SDK1: variants seen among roughly 807,000 people sequenced by gnomAD.
SDK1 encodes the protein protein sidekick-1.
A neutral mutation model predicts 245.5 loss-of-function variants in SDK1; 157 were observed. The observed-to-expected ratio is 0.64, with a 90% CI of 0.56 to 0.73. The LOEUF (loss-of-function observed/expected upper bound fraction) is 0.73. Among genes scored for constraint, SDK1 ranks in the 30% least tolerant of loss-of-function variants. The pLI, the probability that SDK1 is intolerant of heterozygous loss-of-function variation, is 0.00. For synonymous variants in SDK1, 1,647 were observed against 1,278.5 expected, an observed-to-expected ratio of 1.29 and a Z score of -6.15; for missense variants, 3,583 against 3,002.3, an observed-to-expected ratio of 1.19 and a Z score of -4.52.
At chr7:3,377,868 T>C (rs1178209474) in intron 1 of SDK1, among the ~76,000 whole-genome samples, 2 of 152,130 alleles carry the variant, frequency 1.3e-5, no homozygotes, top group African/African-American at 4.8e-5. Context: ...AACCTCCGCC[T>C]CCTGGGCTCA....
At chr7:3,719,381 C>A (rs960797329) in intron 4 of SDK1, among the ~76,000 whole-genome samples, 1 of 151,770 alleles carries the variant, frequency 6.6e-6, no homozygotes, top group African/African-American at 2.4e-5. Context: ...TCATTGTTTC[C>A]AGTGTTAACG....
intron 1 of SDK1, among the ~76,000 whole-genome samples, chr7:3,549,349 C>T (rs1043874980): frequency 2.0e-5 from 3 of 152,132 alleles, no homozygotes; most frequent in African/African-American, 7.2e-5. Flanking sequence ...TCCTCTGTAA[C>T]CAATATGAGA....
chr7:3,688,099 C>G (rs181061898), intron 4 of SDK1, among the ~76,000 whole-genome samples: 2 of 152,348 alleles, frequency 1.3e-5, no homozygotes, highest in East Asian at 3.9e-4. Context: ...CTGAGACAAT[C>G]AGTGCTCAGT....
At chr7:4,080,471 CT>C in intron 22 of SDK1, among the ~76,000 whole-genome samples, 1 of 152,108 alleles carries the variant, frequency 6.6e-6, no homozygotes. Flanking sequence ...CATGACTGTA[CT>C]TATGCTATAC....
chr7:3,503,840 G>T (rs900913035), intron 1 of SDK1, among the ~76,000 whole-genome samples: 1 of 151,944 alleles, frequency 6.6e-6, no homozygotes, highest in African/African-American at 2.4e-5. Flanking sequence ...TGGATTGGAA[G>T]ACTTAATAAT....
chr7:3,403,842 T>TATATATATATATATATA (rs1272141542), intron 1 of SDK1, among the ~76,000 whole-genome samples: 5 of 80,704 alleles, frequency 6.2e-5, no homozygotes, highest in African/African-American at 4.9e-4. Context: ...TATATATATA[T>TATATATATATATATATA]ATATATATAT....
chr7:3,728,338 AC>A lies in SDK1; in HGVS notation c.713+86235del, dbSNP rs888158327. Among the ~76,000 whole-genome samples the A allele has an allele frequency of 2.6e-5, 4 of 152,168 alleles. No homozygotes were observed. The East Asian group carries it at 5.8e-4, about 22-fold the overall frequency. On this transcript the variant is annotated intron_variant, in intron 4 of 44. Transcript: ENST00000404826. ...TTCTGGGTATCTTCTCTTAAATCTG[AC>A]CAACTTAGTGGAATGTTTCACCACA...
At chr7:3,500,298 C>G (rs554754558) in intron 1 of SDK1, among the ~76,000 whole-genome samples, 151 of 152,222 alleles carry the variant, frequency 9.9e-4, no homozygotes, top group Non-Finnish European at 1.9e-3. Flanking sequence ...TTGGACTACT[C>G]TTGTGTTAGT....
intron 40 of SDK1, 191 bp from the exon 41 acceptor site, chr7:4,233,064 A>T (rs954148692): frequency 5.3e-6 from 3 of 566,976 alleles, no homozygotes; most frequent in African/African-American, 3.7e-5. Context: ...TCATCACACC[A>T]TTCATCTCCA....
chr7:3,413,430 C>A (rs1369559255), intron 1 of SDK1, among the ~76,000 whole-genome samples: 4 of 152,146 alleles, frequency 2.6e-5, no homozygotes, highest in Admixed American at 1.3e-4. Flanking sequence ...TGCAGTGGCT[C>A]ACATCTGTAA....
chr7:4,017,840 T>G (rs1301990656), intron 17 of SDK1, among the ~76,000 whole-genome samples: 3 of 152,240 alleles, frequency 2.0e-5, no homozygotes, highest in Admixed American at 1.3e-4. Context: ...GCAAACAATC[T>G]ACTAGGTCAA....
intron 1 of SDK1, among the ~76,000 whole-genome samples, chr7:3,320,076 A>G (rs36057081): frequency 1.4e-4 from 21 of 151,688 alleles, no homozygotes; most frequent in South Asian, 6.3e-4. Flanking sequence ...GTTCTCCCCA[A>G]TTTATTCCCC....
intron 1 of SDK1, among the ~76,000 whole-genome samples, chr7:3,438,847 A>ATGTTTTTTT (rs1562486729): frequency 9.1e-6 from 1 of 110,114 alleles, no homozygotes; most frequent in African/African-American, 3.9e-5. Flanking sequence ...CTTTGTATTA[A>ATGTTTTTTT]TATTTTTTTT....
chr7:4,078,410 T>G (rs888543911), intron 21 of SDK1, among the ~76,000 whole-genome samples: 2 of 152,188 alleles, frequency 1.3e-5, no homozygotes, highest in Admixed American at 1.3e-4. Context: ...TTAAACATTT[T>G]CTATTTCAAA....
chr7:3,524,863 T>C (rs1160231780), intron 1 of SDK1, among the ~76,000 whole-genome samples: 1 of 152,174 alleles, frequency 6.6e-6, no homozygotes, highest in Non-Finnish European at 1.5e-5. Context: ...ACTGTGGGAA[T>C]GTACTGGGTG....
chr7:3,751,399 A>C lies in SDK1; in HGVS notation c.714-70051A>C, dbSNP rs187353127. ...CCCTCTCCAAGATGCTGCCTATGGC[A>C]AACTAAATGTGAGAGATAGAACCAG... On this transcript the variant is annotated intron_variant, in intron 4 of 44. Coordinates refer to ENST00000404826, the MANE Select transcript of SDK1 (RefSeq NM_152744.4). Among the ~76,000 whole-genome samples the C allele has an allele frequency of 3.0e-4, 45 of 151,504 alleles. 1 individual carries two copies. Among genetic ancestry groups the C allele is most frequent in the African/African-American group, 1.0e-3 (42 of 41,218 alleles).
intron 5 of SDK1, among the ~76,000 whole-genome samples, chr7:3,865,863 C>G (rs989845861): frequency 6.6e-6 from 1 of 152,050 alleles, no homozygotes; most frequent in African/African-American, 2.4e-5. Context: ...ATCACTAGCA[C>G]CAACATCTTT....
intron 17 of SDK1, among the ~76,000 whole-genome samples, chr7:4,031,179 A>C (rs1328387277): frequency 3.3e-5 from 5 of 152,224 alleles, no homozygotes; most frequent in Non-Finnish European, 7.3e-5. Context: ...GTTCTTGTAC[A>C]TGTATATATA....
At chr7:4,144,574 G>A (rs950764022) in intron 28 of SDK1, among the ~76,000 whole-genome samples, 6 of 152,064 alleles carry the variant, frequency 3.9e-5, no homozygotes, top group Admixed American at 2.0e-4. Flanking sequence ...TTTGTTAAAT[G>A]CGTGGATGAG....
Sources: allele counts gnomAD v4.1 joint callset (sites outside exome capture counted in the v4.1 genomes callset), GRCh38; gene constraint gnomAD v4.1.1; transcripts MANE v1.5; gene names NCBI Gene and HGNC (gene_info 2026-07-23, HGNC 2026-07-21).